The following NPEPL1 variants were observed in gnomAD, a reference collection of about 807,000 sequenced individuals.
NPEPL1 encodes aminopeptidase like 1.
In NPEPL1, 45 loss-of-function variants were observed where a neutral mutation model predicts 52.4. That is an observed-to-expected ratio of 0.86 (90% CI 0.68 to 1.10). The LOEUF (loss-of-function observed/expected upper bound fraction) is 1.10. Ranked by LOEUF, NPEPL1 falls within the 50% of genes least tolerant of loss-of-function variation. NPEPL1 has a pLI of 0.00. For missense variants in NPEPL1, 696 were observed against 710.9 expected (o/e 0.98, Z 0.24); for synonymous variants, 360 against 314.7 (o/e 1.14, Z -1.52).
intron 5 of NPEPL1, among the ~76,000 whole-genome samples, chr20:58,700,357 A>AT (rs2084589169): frequency 6.6e-6 from 1 of 152,212 alleles, no homozygotes; most frequent in African/African-American, 2.4e-5. Flanking sequence ...CCTAGACAGG[A>AT]GCCATTTACA....
chr20:58,701,145 G>T lies in NPEPL1; in HGVS notation c.809G>T (p.Ser270Ile). The change falls in exon 6 of 12, where the codon AGC (serine) becomes ATC (isoleucine). Residue 270 changes from serine (S) to isoleucine (I), a missense_variant. Coordinates refer to ENST00000356091, the MANE Select transcript of NPEPL1 (RefSeq NM_024663.4). Reference sequence around the variant, plus strand: ...ATCGTCTATGACACTGGAGGCCTCAGCATCAAAGGGAAGGTGAGGTGCGGG... The same window carrying T: ...ATCGTCTATGACACTGGAGGCCTCATCATCAAAGGGAAGGTGAGGTGCGGG... The part of the protein sequence containing the change: ...KGIVYDTGGL[S>I]IKGKTTMPGM... The T allele has an allele frequency of 6.4e-7, 1 of 1,570,062 alleles. No individual in the cohort carries two copies. The highest frequency in any genetic ancestry group is 8.6e-7 in the Non-Finnish European group (1 of 1,158,996).
chr20:58,705,402 ATGTAT>A (rs1220906299), intron 6 of NPEPL1: 3 of 450,462 alleles, frequency 6.7e-6, no homozygotes, highest in South Asian at 3.1e-5. Flanking sequence ...AATATGGAAA[ATGTAT>A]TGTACCCAAG....
At position 58,715,433 on chromosome 20, in the gene NPEPL1, C is replaced by T; in HGVS notation, c.*107C>T. ...TTCATATGGGTTTTGGTTTGTCTTT[C>T]TGGTCGTCAGCGTGGTGGTGGAAAC... On this transcript the variant is annotated 3_prime_UTR_variant, in exon 12 of 12. Transcript: ENST00000356091. 2 of 1,249,892 alleles carry T rather than the reference C, an allele frequency of 1.6e-6. No homozygotes were observed. The highest frequency in any genetic ancestry group is 2.1e-6 in the Non-Finnish European group (2 of 938,218). The allele number at this position is 1,249,892 out of a possible 1,614,324, so 77.4% of individuals were successfully genotyped here.
chr20:58,694,443 G>A lies in NPEPL1; in HGVS notation c.358G>A (p.Val120Ile). The part of the protein sequence containing the change: ...CIVMVCEQPE[V>I]FASACALARA... ...ACAGATGGTCTGCGAGCAGCCGGAG[G>A]TCTTTGCTTCCGCCTGTGCCCTGGC... The change falls in exon 3 of 12, where the codon GTC becomes ATC. Residue 120 changes from valine (V) to isoleucine (I), a missense_variant. Transcript: ENST00000356091. 6.2e-6 allele frequency: 10 copies of A among 1,612,686 alleles called. No homozygotes were observed. Among genetic ancestry groups the A allele is most frequent in the Non-Finnish European group, 8.5e-6 (10 of 1,179,274 alleles).
chr20:58,693,564 AGCT>A (rs1475103983), intron 1 of NPEPL1, 170 bp from the exon 2 acceptor site: 1 of 564,844 alleles, frequency 1.8e-6, no homozygotes, highest in Admixed American at 3.4e-5. Flanking sequence ...AGAGACAGTT[AGCT>A]CTGCAGAGAG....
At chr20:58,697,363 C>T (rs1013366510) in intron 3 of NPEPL1, among the ~76,000 whole-genome samples, 5 of 152,260 alleles carry the variant, frequency 3.3e-5, no homozygotes, top group Admixed American at 1.3e-4. Context: ...ACAGCATTGA[C>T]GCACTTCTCA....
chr20:58,703,879 C>G, intron 6 of NPEPL1: 1 of 985,168 alleles, frequency 1.0e-6, no homozygotes, highest in Non-Finnish European at 1.2e-6. Context: ...TCTGAAAATG[C>G]GACTATAGCC....
intron 7 of NPEPL1, 39 bp from the exon 8 acceptor site, chr20:58,712,440 T>C (rs777049732): frequency 2.1e-6 from 3 of 1,396,788 alleles, no homozygotes; most frequent in African/African-American, 2.8e-5. Flanking sequence ...CCCAAACCTA[T>C]GACCTACAAC....
chr20:58,693,169 C>A, intron 1 of NPEPL1, 119 bp downstream of exon 1: 1 of 709,294 alleles, frequency 1.4e-6, no homozygotes, highest in Non-Finnish European at 1.7e-6. Flanking sequence ...CCCAACGAGG[C>A]CGGGCCGCCT....
chr20:58,712,311 C>A (rs544427156), intron 7 of NPEPL1, among the ~76,000 whole-genome samples, 168 bp from the exon 8 acceptor site: 1 of 152,246 alleles, frequency 6.6e-6, no homozygotes, highest in South Asian at 2.1e-4. Context: ...GCCTTGGGAT[C>A]TGCCAGGACT....
intron 4 of NPEPL1, 44 bp downstream of exon 4, chr20:58,698,817 G>A: frequency 3.2e-6 from 5 of 1,552,282 alleles, no homozygotes; most frequent in Non-Finnish European, 4.4e-6. Flanking sequence ...GGCTGGGGTG[G>A]GTGTCATAGA....
upstream of NPEPL1, among the ~76,000 whole-genome samples, chr20:58,689,998 T>C (rs1312667610): frequency 1.3e-5 from 2 of 152,238 alleles, no homozygotes; most frequent in African/African-American, 4.8e-5. Context: ...TAATGGAATC[T>C]GAGAGCCTCG....
At chr20:58,714,539 G>A in intron 10 of NPEPL1, 21 bp from the exon 11 acceptor site, 2 of 1,541,762 alleles carry the variant, frequency 1.3e-6, no homozygotes, top group African/African-American at 1.4e-5. Flanking sequence ...CACAGGCACT[G>A]TGTCCTCCTG....
At chr20:58,700,384 G>A (rs745369529) in intron 5 of NPEPL1, among the ~76,000 whole-genome samples, 1 of 152,208 alleles carries the variant, frequency 6.6e-6, no homozygotes, top group Non-Finnish European at 1.5e-5. Context: ...GGGAGAGGCC[G>A]CTTGTGTCAG....
chr20:58,707,223 C>T (rs1409910765), intron 7 of NPEPL1, 23 bp downstream of exon 7: 2 of 1,539,688 alleles, frequency 1.3e-6, no homozygotes, highest in Admixed American at 2.0e-5. Flanking sequence ...TGCCCGCCCT[C>T]TGCAGGGGCA....
chr20:58,713,497 TG>T lies in NPEPL1; in HGVS notation c.1084del (p.Ala362ProfsTer10), dbSNP rs766909487. 4.3e-5 allele frequency: 69 copies of T among 1,611,408 alleles called. No individual in the cohort carries two copies. The Middle Eastern group carries it at 1.2e-3, about 27-fold the overall frequency. On this transcript the variant is annotated frameshift_variant, in exon 9 of 12. Coordinates refer to ENST00000356091, the MANE Select transcript of NPEPL1 (RefSeq NM_024663.4). LOFTEE classifies it high-confidence loss of function. This position sits in a 1 kb window ranked among gnomAD's most constrained non-coding sequence, Gnocchi z 4.6. Reference sequence around the variant, plus strand: ...GGCGTGTCCTATGCTTGCAAGGACCTGGGGGCCGACATCATCCTGGACATGG... The same window carrying T: ...GGCGTGTCCTATGCTTGCAAGGACCTGGGGCCGACATCATCCTGGACATGG... ...ADGVSYACKD[L>X]GADIILDMAT...
intron 5 of NPEPL1, among the ~76,000 whole-genome samples, chr20:58,699,665 A>G (rs1419374844): frequency 1.3e-5 from 2 of 152,126 alleles, no homozygotes; most frequent in Non-Finnish European, 2.9e-5. Context: ...CCCTATCTGG[A>G]ATACTTTCCC....
chr20:58,691,159 G>A (rs1019234305), upstream of NPEPL1: 3 of 702,942 alleles, frequency 4.3e-6, no homozygotes, highest in African/African-American at 5.2e-5. Flanking sequence ...TCAGTCCTCT[G>A]GAGTGCCGTG....
At chr20:58,701,671 G>A (rs1275346235) in intron 6 of NPEPL1, among the ~76,000 whole-genome samples, 2 of 152,164 alleles carry the variant, frequency 1.3e-5, no homozygotes, top group African/African-American at 2.4e-5. Flanking sequence ...TTTGTCCCGA[G>A]AAGAGAAGGG....
Sources: gnomAD v4.1 joint callset for allele counts (sites outside exome capture counted in the v4.1 genomes callset) on GRCh38, gnomAD v4.1.1 for gene constraint, Gnocchi (gnomAD v3.1) non-coding constraint, MANE v1.5 for transcripts, NCBI Gene and HGNC (gene_info 2026-07-23, HGNC 2026-07-21) for gene names.